The following ERBB4 variants were observed in gnomAD, a reference collection of about 807,000 sequenced individuals.
The protein encoded by ERBB4 is receptor tyrosine-protein kinase erbB-4.
Under a neutral mutation model 158.0 loss-of-function variants are expected in ERBB4, and 42 were observed. That is an observed-to-expected ratio of 0.27 (90% confidence interval 0.21 to 0.34). The LOEUF is 0.34. Ranked by LOEUF, ERBB4 falls within the 10% of genes least tolerant of loss-of-function variation. The pLI is 1.00. For synonymous variants in ERBB4, 583 were observed against 558.7 expected, an observed-to-expected ratio of 1.04 and a Z score of -0.61; for missense variants, 1,333 against 1,624.1, an observed-to-expected ratio of 0.82 and a Z score of 3.08.
intron 1 of ERBB4, among the ~76,000 whole-genome samples, chr2:212,475,677 C>T (rs996071445): frequency 1.2e-4 from 19 of 152,040 alleles, no homozygotes; most frequent in Non-Finnish European, 2.4e-4. Flanking sequence ...ATGCAAAAAA[C>T]ACACAATTAT....
At position 212,361,488 on chromosome 2, in the gene ERBB4, A is replaced by C. The variant is rs1003845441; in HGVS notation, c.82+176961T>G. 2.6e-4 allele frequency among the ~76,000 whole-genome samples: 39 copies of C among 151,806 alleles called. 1 individual carries two copies. The highest frequency in any genetic ancestry group is 8.7e-4 in the African/African-American group (36 of 41,510). ...CATAACTGCAATTTTGACCTTCCAAAGCATTTTACTCTGTAAAAGTAATGT... is the reference window on the plus strand; with the variant it reads ...CATAACTGCAATTTTGACCTTCCAACGCATTTTACTCTGTAAAAGTAATGT... On this transcript the variant is annotated intron_variant, in intron 1 of 27. Transcript: ENST00000342788.
intron 20 of ERBB4, among the ~76,000 whole-genome samples, chr2:211,547,552 T>C (rs1297538129): frequency 1.3e-5 from 2 of 152,028 alleles, no homozygotes; most frequent in Non-Finnish European, 2.9e-5. Flanking sequence ...CTCTACAGTT[T>C]TAGAAACAAA....
intron 3 of ERBB4, among the ~76,000 whole-genome samples, chr2:211,880,595 A>G (rs1047646384): frequency 1.2e-4 from 18 of 152,316 alleles, no homozygotes; most frequent in Admixed American, 1.0e-3. Flanking sequence ...CCATACTAAC[A>G]TGTTATAACA....
chr2:212,101,330 A>G lies in ERBB4; in HGVS notation c.234+23422T>C, dbSNP rs552479779. ...GTGTTTTGCATTTGGATCAAAATACAAACACACACACACCCTATACATATA... is the reference window on the plus strand; with the variant it reads ...GTGTTTTGCATTTGGATCAAAATACGAACACACACACACCCTATACATATA... On this transcript the variant is annotated intron_variant, in intron 2 of 27. Coordinates refer to ENST00000342788, the MANE Select transcript of ERBB4 (RefSeq NM_005235.3). Among the ~76,000 whole-genome samples, 5 of 89,122 alleles carry G rather than the reference A, an allele frequency of 5.6e-5. No individual in the cohort carries two copies. The South Asian group carries it at 1.4e-3, about 26-fold the overall frequency. 58.5% of individuals were successfully genotyped at this position (89,122 alleles called of 152,430 possible). A position where few individuals can be genotyped will look rare whatever the true frequency, so the allele number is the denominator to read the frequency against.
intron 1 of ERBB4, among the ~76,000 whole-genome samples, chr2:212,220,542 C>T (rs558387508): frequency 1.3e-5 from 2 of 151,488 alleles, no homozygotes; most frequent in Non-Finnish European, 3.0e-5. Flanking sequence ...CCTCTTGTTC[C>T]TGGGATAATA....
chr2:211,546,837 G>A (rs892341117), intron 20 of ERBB4, among the ~76,000 whole-genome samples: 2 of 152,016 alleles, frequency 1.3e-5, no homozygotes, highest in East Asian at 1.9e-4. Flanking sequence ...CCATTTTAGC[G>A]TGCAAAACAC....
intron 3 of ERBB4, among the ~76,000 whole-genome samples, chr2:211,794,638 C>T (rs1163193090): frequency 6.6e-6 from 1 of 151,754 alleles, no homozygotes; most frequent in Non-Finnish European, 1.5e-5. Flanking sequence ...ATATTGAATA[C>T]ATTTATTTTG....
Position 212,003,216 on chromosome 2 carries a change from G to GAAAGAAAGGAAGAAAGACAGAAA in ERBB4, c.235-55601_235-55600insTTTCTGTCTTTCTTCCTTTCTTT, listed in dbSNP as rs1491317567. On this transcript the variant is annotated intron_variant, in intron 2 of 27. Coordinates refer to ENST00000342788, the MANE Select transcript of ERBB4 (RefSeq NM_005235.3). ...AAGAAAGAAAGAAAGACAGAAAGAA[G>GAAAGAAAGGAAGAAAGACAGAAA]GAAGGAAGGAAGGAAGGAAGGAAGG... is the stretch of plus-strand genomic sequence containing the variant. 4.2e-3 allele frequency among the ~76,000 whole-genome samples: 145 copies of GAAAGAAAGGAAGAAAGACAGAAA among 34,500 alleles called. 11 individuals carry two copies. Among genetic ancestry groups the GAAAGAAAGGAAGAAAGACAGAAA allele is most frequent in the East Asian group, 0.018 (33 of 1,838 alleles). The allele number at this position is 34,500 out of a possible 152,430, so 22.6% of individuals were successfully genotyped here.
rs1331666308 is a variant in ERBB4 at position 211,375,772 on chromosome 2, C to T, written c.*7843G>A. 4.3e-6 allele frequency: 1 copy of T among 231,336 alleles called. No homozygotes were observed. The highest frequency in any genetic ancestry group is 8.6e-6 in the Non-Finnish European group (1 of 116,714). The allele number at this position is 231,336 out of a possible 1,614,324, so 14.3% of individuals were successfully genotyped here. A position where few individuals can be genotyped will look rare whatever the true frequency, so the allele number is the denominator to read the frequency against. On this transcript the variant is annotated 3_prime_UTR_variant, in exon 28 of 28. Coordinates refer to ENST00000342788, the MANE Select transcript of ERBB4 (RefSeq NM_005235.3). ...TTTATATTAAATTAAAAATATATTT[C>T]TGACAGATTCATGTAACAAAAAGGC... is the stretch of plus-strand genomic sequence containing the variant.
At chr2:212,042,294 C>G (rs2077159802) in intron 2 of ERBB4, among the ~76,000 whole-genome samples, 1 of 151,998 alleles carries the variant, frequency 6.6e-6, no homozygotes, top group Admixed American at 6.6e-5. Context: ...ACATGCTGAT[C>G]TTTTTTGTTT....
At chr2:212,275,387 C>A (rs2085493436) in intron 1 of ERBB4, among the ~76,000 whole-genome samples, 1 of 151,918 alleles carries the variant, frequency 6.6e-6, no homozygotes, top group South Asian at 2.1e-4. Flanking sequence ...AGACTCCCAC[C>A]AACAGTGTAA....
intron 3 of ERBB4, among the ~76,000 whole-genome samples, chr2:211,915,100 C>T (rs73077363): frequency 0.046 from 7,017 of 152,082 alleles, 264 homozygotes; most frequent in African/African-American, 0.098. Context: ...TTAAGATGTA[C>T]CTGTCCAACT....
intron 2 of ERBB4, among the ~76,000 whole-genome samples, chr2:212,065,003 G>A (rs1183377344): frequency 6.7e-6 from 1 of 150,296 alleles, no homozygotes; most frequent in Non-Finnish European, 1.5e-5. Context: ...GTGTGTGTGT[G>A]TGTGTGTGTG....
rs765398552 is a variant in ERBB4 at position 211,420,417 on chromosome 2, T to C, written c.3135+24A>G. The C allele has an allele frequency of 3.3e-5, 49 of 1,480,726 alleles. No homozygotes were observed. In the South Asian group the frequency reaches 5.4e-4, roughly 16 times the overall value. The allele number at this position is 1,480,726 out of a possible 1,614,324, so 91.7% of individuals were successfully genotyped here. ...ATTTTATATCTCAGAAAGAATATGA[T>C]ATGTGTATATAATTATTTCTTACCC... On this transcript the variant is annotated intron_variant, in intron 25 of 27. Transcript: ENST00000342788.
chr2:212,269,504 G>T (rs2085267907), intron 1 of ERBB4, among the ~76,000 whole-genome samples: 1 of 151,692 alleles, frequency 6.6e-6, no homozygotes, highest in Admixed American at 6.6e-5. Context: ...AAGGAGTCTT[G>T]CAATACTTAC....
intron 19 of ERBB4, among the ~76,000 whole-genome samples, chr2:211,562,664 T>G (rs17335057): frequency 0.18 from 27,588 of 151,914 alleles, 2,698 homozygotes; most frequent in Middle Eastern, 0.24. Context: ...GTTTCATAAT[T>G]TTACCTTTCC....
intron 19 of ERBB4, among the ~76,000 whole-genome samples, chr2:211,566,335 C>T (rs1217445985): frequency 1.3e-5 from 2 of 152,164 alleles, no homozygotes; most frequent in Admixed American, 1.3e-4. Flanking sequence ...TACAGGGAGA[C>T]TGCAGCTGGA....
At chr2:212,360,453 T>C (rs900542950) in intron 1 of ERBB4, among the ~76,000 whole-genome samples, 1 of 151,652 alleles carries the variant, frequency 6.6e-6, no homozygotes, top group Non-Finnish European at 1.5e-5. Context: ...CATATCTGAA[T>C]TCAAAACAAT....
chr2:211,856,871 A>G (rs1227753677), intron 3 of ERBB4, among the ~76,000 whole-genome samples: 1 of 152,200 alleles, frequency 6.6e-6, no homozygotes, highest in Non-Finnish European at 1.5e-5. Context: ...GATAGAAAAC[A>G]AAGTAGAAGA....
Sources: gnomAD v4.1 joint callset for allele counts (sites outside exome capture counted in the v4.1 genomes callset) on GRCh38, gnomAD v4.1.1 for gene constraint, MANE v1.5 for transcripts, NCBI Gene and HGNC (gene_info 2026-07-23, HGNC 2026-07-21) for gene names.